The following DCBLD1 variants were observed in gnomAD, a reference collection of about 807,000 sequenced individuals.
The protein encoded by DCBLD1 is discoidin, CUB and LCCL domain containing 1.
In DCBLD1, 57 loss-of-function variants were observed where a neutral mutation model predicts 71.5. That is an observed-to-expected ratio of 0.80 (90% CI 0.64 to 0.99). DCBLD1 has a LOEUF of 0.99. DCBLD1 is among the 50% of genes least tolerant of loss of function. DCBLD1 has a pLI of 0.00. For missense variants in DCBLD1, 891 were observed against 923.5 expected (o/e 0.96, Z 0.46); for synonymous variants, 380 against 363.8 (o/e 1.04, Z -0.51).
chr6:117,555,133 G>T (rs1026832177), intron 14 of DCBLD1, among the ~76,000 whole-genome samples: 5 of 152,056 alleles, frequency 3.3e-5, no homozygotes, highest in African/African-American at 1.2e-4. Context: ...TATGGAAATT[G>T]GTTTGTTTAG....
At chr6:117,502,161 C>G (rs1777684451) in intron 1 of DCBLD1, among the ~76,000 whole-genome samples, 1 of 152,178 alleles carries the variant, frequency 6.6e-6, no homozygotes, top group Admixed American at 6.5e-5. Context: ...TTTTCTAATA[C>G]CTGTTTCGTT....
chr6:117,492,860 G>A (rs1454789093), intron 1 of DCBLD1, among the ~76,000 whole-genome samples: 1 of 152,092 alleles, frequency 6.6e-6, no homozygotes, highest in African/African-American at 2.4e-5. Flanking sequence ...CCGTGGATAT[G>A]GTGCATAAAC....
chr6:117,543,314 C>G (rs1779163662), intron 12 of DCBLD1, 103 bp downstream of exon 12: 1 of 901,412 alleles, frequency 1.1e-6, no homozygotes, highest in African/African-American at 1.7e-5. Flanking sequence ...AGCAGCATGG[C>G]TTCTTTCAAA....
downstream of DCBLD1, among the ~76,000 whole-genome samples, chr6:117,551,680 C>A (rs1479798488): frequency 1.3e-5 from 2 of 152,150 alleles, no homozygotes; most frequent in Non-Finnish European, 2.9e-5. Context: ...CGCCCGGCTT[C>A]CCTTTATTTC....
intron 2 of DCBLD1, among the ~76,000 whole-genome samples, chr6:117,511,859 A>G (rs929708292): frequency 2.0e-5 from 3 of 152,118 alleles, no homozygotes; most frequent in Non-Finnish European, 4.4e-5. Flanking sequence ...GCTCACAGAG[A>G]GCTGTTTTGG....
intron 1 of DCBLD1, 181 bp from the exon 2 acceptor site, chr6:117,503,586 A>G: frequency 4.8e-6 from 3 of 621,360 alleles, no homozygotes; most frequent in Non-Finnish European, 8.3e-6. Flanking sequence ...AAAACAAGAG[A>G]TGAAATAACC....
At chr6:117,538,504 C>T in intron 7 of DCBLD1, 116 bp from the exon 8 acceptor site, 1 of 923,892 alleles carries the variant, frequency 1.1e-6, no homozygotes, top group South Asian at 1.7e-5. Context: ...CACTTTATTC[C>T]ATATCAGAAT....
At chr6:117,561,101 A>G (rs945034893) in intron 14 of DCBLD1, 26 of 223,560 alleles carry the variant, frequency 1.2e-4, no homozygotes, top group African/African-American at 5.8e-4. Flanking sequence ...AGGCTTATAA[A>G]CCACAGTGAA....
intron 9 of DCBLD1, 96 bp downstream of exon 9, chr6:117,539,475 A>C: frequency 1.4e-6 from 2 of 1,381,972 alleles, no homozygotes; most frequent in South Asian, 2.9e-5. Flanking sequence ...CATTAATAAA[A>C]GACAGTGAGG....
chr6:117,540,548 GA>G, intron 9 of DCBLD1, 119 bp from the exon 10 acceptor site: 1 of 1,302,634 alleles, frequency 7.7e-7, no homozygotes, highest in South Asian at 1.4e-5. Context: ...AGAGTGTCTA[GA>G]AAAATGCAAC....
Position 117,522,339 on chromosome 6 carries a change from C to T in DCBLD1, c.512+763C>T, listed in dbSNP as rs143347571. On this transcript the variant is annotated intron_variant, in intron 4 of 14. Transcript: ENST00000338728. ...TCAGTTGTGATAACCAAGAATGTCT[C>T]CAGACATTGCCAAATGTCTCATGGT... is the stretch of plus-strand genomic sequence containing the variant. 9.8e-5 allele frequency among the ~76,000 whole-genome samples: 15 copies of T among 152,304 alleles called. No homozygotes were observed. In the East Asian group the frequency reaches 2.9e-3, roughly 29 times the overall value.
intron 14 of DCBLD1, among the ~76,000 whole-genome samples, chr6:117,559,160 C>T (rs557946467): frequency 4.7e-4 from 72 of 152,316 alleles, no homozygotes; most frequent in African/African-American, 1.7e-3. Flanking sequence ...TCAAATCTCA[C>T]TCATGGTCAC....
intron 1 of DCBLD1, chr6:117,494,757 A>C (rs1018723243): frequency 3.9e-5 from 6 of 152,020 alleles, no homozygotes; most frequent in Admixed American, 1.3e-4. Flanking sequence ...CATTTTTAGA[A>C]CTCCAGAGGC....
At chr6:117,488,763 A>G (rs117389675) in intron 1 of DCBLD1, among the ~76,000 whole-genome samples, 2,912 of 152,322 alleles carry the variant, frequency 0.019, 39 homozygotes, top group Middle Eastern at 0.048. Context: ...CAAATGATCC[A>G]CTGATTTAGA....
At chr6:117,485,232 C>T (rs779009089) in intron 1 of DCBLD1, among the ~76,000 whole-genome samples, 2 of 152,122 alleles carry the variant, frequency 1.3e-5, no homozygotes, top group South Asian at 4.1e-4. Context: ...CCTAAAACTC[C>T]CTGCTTCTCT....
intron 14 of DCBLD1, 107 bp downstream of exon 14, chr6:117,545,704 C>G: frequency 1.4e-6 from 2 of 1,436,892 alleles, no homozygotes; most frequent in Non-Finnish European, 1.9e-6. Flanking sequence ...TAGATAGGGT[C>G]CAGTAAATCT....
chr6:117,547,967 G>A lies in DCBLD1; in HGVS notation c.1676G>A (p.Arg559Gln). The stretch of plus-strand genomic sequence containing the variant: ...GTCACGAGGAAGGGCTCCACCTTCC[G>A]GCCCATGGACACGGATGCCGAGGAG... ...GTVTRKGSTF[R>Q]PMDTDAEEAG... The change falls in exon 15 of 15, where the codon CGG (arginine) becomes CAG (glutamine). Residue 559 changes from arginine (R) to glutamine (Q), a missense_variant. Physicochemically the swap from Arg to Gln is conservative, Grantham distance 43 (BLOSUM62 1). Transcript: ENST00000338728. 2 of 1,550,574 alleles carry A rather than the reference G, an allele frequency of 1.3e-6. No individual in the cohort carries two copies. Among genetic ancestry groups the A allele is most frequent in the Non-Finnish European group, 1.7e-6 (2 of 1,146,972 alleles).
chr6:117,535,788 A>G (rs891580889), intron 6 of DCBLD1, among the ~76,000 whole-genome samples: 2 of 152,210 alleles, frequency 1.3e-5, no homozygotes, highest in African/African-American at 4.8e-5. Context: ...GGAAAAAGAG[A>G]CAAAAGAGAG....
intron 2 of DCBLD1, among the ~76,000 whole-genome samples, chr6:117,510,980 C>T (rs1211713416): frequency 6.6e-6 from 1 of 152,120 alleles, no homozygotes; most frequent in Non-Finnish European, 1.5e-5. Context: ...AACCTTTACA[C>T]CTAAGGAAAC....
Sources: gnomAD v4.1 joint callset for allele counts (sites outside exome capture counted in the v4.1 genomes callset) on GRCh38, gnomAD v4.1.1 for gene constraint, MANE v1.5 for transcripts, NCBI Gene and HGNC (gene_info 2026-07-23, HGNC 2026-07-21) for gene names.